Variants in NTMT1 observed in about 807,000 individuals in gnomAD.
NTMT1 encodes N-terminal RCC1 methyltransferase.
Under a neutral mutation model 17.5 loss-of-function variants are expected in NTMT1, and 8 were observed. The ratio of observed to expected loss-of-function variants is 0.46; its 90% CI spans 0.27 to 0.82. The LOEUF is 0.82. Among genes scored for constraint, NTMT1 ranks in the 40% least tolerant of loss-of-function variants. The probability of loss-of-function intolerance (pLI) is 0.15; values close to 1 mark genes in which losing one functional copy is unlikely to be tolerated. For synonymous variants in NTMT1, 128 were observed against 126.8 expected, an observed-to-expected ratio of 1.01 and a Z score of -0.06; for missense variants, 221 against 303.5, an observed-to-expected ratio of 0.73 and a Z score of 2.02.
rs1402832566 is a variant in NTMT1 at position 129,635,546 on chromosome 9, G to C, written c.*82G>C. ...CTGGGCAAGATCCAGGCGCCACGCT[G>C]GCGGTTCGTGAGTGTCGAGGCACCA... is the stretch of plus-strand genomic sequence containing the variant. On this transcript the variant is annotated 3_prime_UTR_variant, in exon 4 of 4. Transcript: ENST00000372483. 1.8e-5 allele frequency: 27 copies of C among 1,497,834 alleles called. No homozygotes were observed. The highest frequency in any genetic ancestry group is 2.3e-5 in the Non-Finnish European group (25 of 1,108,940). 92.8% of individuals were successfully genotyped at this position (1,497,834 alleles called of 1,614,324 possible). A position where few individuals can be genotyped will look rare whatever the true frequency, so the allele number is the denominator to read the frequency against.
rs116922728 is a variant in NTMT1 at position 129,628,106 on chromosome 9, G to T, written c.-55+1811G>T. ...GTGCACACAAAGCCCGTGTGCTCCT[G>T]GCCCCCTCCCAGGCCCTTCAGCCAC... On this transcript the variant is annotated intron_variant, in intron 1 of 3. Transcript: ENST00000372483. Among the ~76,000 whole-genome samples the T allele has an allele frequency of 2.7e-3, 410 of 151,784 alleles. 1 individual carries two copies. Among genetic ancestry groups the T allele is most frequent in the South Asian group, 8.7e-3 (42 of 4,824 alleles).
chr9:129,614,859 G>A lies in NTMT1; in HGVS notation c.-55+5681G>A, dbSNP rs1211733293. 1.3e-5 allele frequency among the ~76,000 whole-genome samples: 2 copies of A among 151,946 alleles called. No individual in the cohort carries two copies. Among genetic ancestry groups the A allele is most frequent in the African/African-American group, 4.8e-5 (2 of 41,336 alleles). ...GGAGCTTGCAGCGAGCCGAGATCGC[G>A]CCACTGCACTCCAGCCTGGGCGACA... is the stretch of plus-strand genomic sequence containing the variant. On this transcript the variant is annotated intron_variant, in intron 1 of 3. Transcript: ENST00000372486. The surrounding 1 kb of genome is among the most constrained non-coding windows in gnomAD (Gnocchi z 4.4).
chr9:129,635,999 A>T lies in NTMT1; in HGVS notation c.*535A>T, dbSNP rs1347369308. ...TTGGCAGTGGAGACCTGGGGCCCTT[A>T]AAGTGTTACAACAGCCTGCAGCAAG... On this transcript the variant is annotated 3_prime_UTR_variant, in exon 4 of 4. Transcript: ENST00000372483. 1 of 153,538 alleles carries T rather than the reference A, an allele frequency of 6.5e-6. No individual in the cohort carries two copies. Among genetic ancestry groups the T allele is most frequent in the African/African-American group, 2.4e-5 (1 of 41,474 alleles). 9.5% of individuals were successfully genotyped at this position (153,538 alleles called of 1,614,324 possible). A position where few individuals can be genotyped will look rare whatever the true frequency, so the allele number is the denominator to read the frequency against.
intron 1 of NTMT1, among the ~76,000 whole-genome samples, chr9:129,630,658 T>G (rs1831114534): frequency 6.6e-6 from 1 of 152,186 alleles, no homozygotes; most frequent in Admixed American, 6.5e-5. Flanking sequence ...ACCCTGTAGC[T>G]CCAGGAGTCA....
Position 129,632,802 on chromosome 9 carries a change from G to T in NTMT1, c.99G>T (p.Gly33=). The part of the protein sequence containing the change: ...IPPTVDGMLG[G]YGHISSIDIN... The stretch of plus-strand genomic sequence containing the variant: ...CCACGGTGGACGGCATGCTTGGGGG[G>T]TATGGCCACATCTCCAGCATCGACA... Residue 33 remains glycine (G), a synonymous_variant, in exon 2 of 4, where the codon GGG becomes GGT. Coordinates refer to ENST00000372483, the MANE Select transcript of NTMT1 (RefSeq NM_014064.4). 1 of 1,614,140 alleles carries T rather than the reference G, an allele frequency of 6.2e-7. No homozygotes were observed.
chr9:129,610,302 C>CT lies in NTMT1; in HGVS notation c.-55+1124_-55+1125insT, dbSNP rs543835373. 3.7e-4 allele frequency among the ~76,000 whole-genome samples: 53 copies of CT among 143,746 alleles called. 1 individual carries two copies. In the South Asian group the frequency reaches 0.011, roughly 31 times the overall value. The allele number at this position is 143,746 out of a possible 152,430, so 94.3% of individuals were successfully genotyped here. On this transcript the variant is annotated intron_variant, in intron 1 of 3. Transcript: ENST00000372486. ...GGCCAGGTCTCCCTGCAGGCCCCGC[C>CT]CCCCCCCCACCGGCGTGGTGCCCCC...
At chr9:129,618,123 A>T (rs1830484164) in intron 1 of NTMT1, among the ~76,000 whole-genome samples, 1 of 152,086 alleles carries the variant, frequency 6.6e-6, no homozygotes, top group Admixed American at 6.6e-5. Flanking sequence ...AGGAAGAATG[A>T]TATGTTTGTG....
At chr9:129,628,072 T>C (rs967253453) in intron 1 of NTMT1, among the ~76,000 whole-genome samples, 2 of 152,336 alleles carry the variant, frequency 1.3e-5, no homozygotes, top group Admixed American at 1.3e-4. Flanking sequence ...CTCTCTGAGC[T>C]AGCCTAGAGT....
Position 129,613,456 on chromosome 9 carries a change from G to A in NTMT1, c.-55+4278G>A, listed in dbSNP as rs747635774. 1.7e-5 allele frequency: 28 copies of A among 1,613,820 alleles called. No individual in the cohort carries two copies. The highest frequency in any genetic ancestry group is 5.0e-5 in the Admixed American group (3 of 59,994). The stretch of plus-strand genomic sequence containing the variant: ...TCACAGGCCAGCGCAGTCCCAACAC[G>A]AGGAGCTGGCCAGGGTCTCCTCCTT... On this transcript the variant is annotated intron_variant, in intron 1 of 3. Transcript: ENST00000372486. This position sits in a 1 kb window ranked among gnomAD's most constrained non-coding sequence, Gnocchi z 6.2.
chr9:129,609,687 G>T (rs1056334048), intron 1 of NTMT1, among the ~76,000 whole-genome samples: 2 of 152,024 alleles, frequency 1.3e-5, no homozygotes, highest in African/African-American at 4.8e-5. Flanking sequence ...GAGGGCCCCC[G>T]GGGAAGAGCT....
At chr9:129,611,934 T>G (rs1465619719) in intron 1 of NTMT1, among the ~76,000 whole-genome samples, 1 of 151,838 alleles carries the variant, frequency 6.6e-6, no homozygotes, top group African/African-American at 2.4e-5. Flanking sequence ...TTTTCTTTTT[T>G]TAAGAGACAG....
At chr9:129,609,972 G>A (rs1053968928) in intron 1 of NTMT1, among the ~76,000 whole-genome samples, 11 of 150,606 alleles carry the variant, frequency 7.3e-5, no homozygotes, top group Admixed American at 1.3e-4. Context: ...GGTGTCTGTG[G>A]GGCGTTGTTT....
intron 2 of NTMT1, chr9:129,633,297 G>GC (rs942102793): frequency 9.4e-6 from 3 of 320,014 alleles, no homozygotes; most frequent in Admixed American, 4.9e-5. Context: ...CAGTCCTGGA[G>GC]CCCCCCACCT....
At chr9:129,629,688 C>T (rs1831061471) in intron 1 of NTMT1, among the ~76,000 whole-genome samples, 4 of 152,184 alleles carry the variant, frequency 2.6e-5, no homozygotes, top group Admixed American at 2.6e-4. Flanking sequence ...TCCTCCCCAG[C>T]CTGTTACCCC....
intron 1 of NTMT1, among the ~76,000 whole-genome samples, chr9:129,611,903 G>A (rs1830122009): frequency 1.3e-5 from 2 of 151,990 alleles, no homozygotes; most frequent in Admixed American, 1.3e-4. Flanking sequence ...GAGGCGTGGA[G>A]CACCACGCCC....
chr9:129,611,065 C>A (rs556721860), intron 1 of NTMT1, among the ~76,000 whole-genome samples: 90 of 152,306 alleles, frequency 5.9e-4, no homozygotes, highest in African/African-American at 2.1e-3. Flanking sequence ...AGCTCTATTG[C>A]CCTTCTTCTG....
intron 1 of NTMT1, among the ~76,000 whole-genome samples, chr9:129,621,028 G>A (rs1352326107): frequency 1.3e-5 from 2 of 152,206 alleles, no homozygotes; most frequent in Admixed American, 1.3e-4. Context: ...GCTCTGGTCT[G>A]CAGAATGGGG....
In NTMT1 at chr9:129,613,533, C is replaced by T; in HGVS notation, c.-55+4355C>T. 6.2e-7 allele frequency: 1 copy of T among 1,614,200 alleles called. No homozygotes were observed. Among genetic ancestry groups the T allele is most frequent in the Non-Finnish European group, 8.5e-7 (1 of 1,180,032 alleles). Reference sequence around the variant, plus strand: ...AACTCTCCAGCCGTTTTCCGACACTCCCAAACACCCGCTCGGACGCCACTG... The same window carrying T: ...AACTCTCCAGCCGTTTTCCGACACTTCCAAACACCCGCTCGGACGCCACTG... On this transcript the variant is annotated intron_variant, in intron 1 of 3. Transcript: ENST00000372486. The surrounding 1 kb of genome is among the most constrained non-coding windows in gnomAD (Gnocchi z 6.2).
At chr9:129,610,899 G>C (rs1410101288) in intron 1 of NTMT1, among the ~76,000 whole-genome samples, 1 of 152,156 alleles carries the variant, frequency 6.6e-6, no homozygotes, top group East Asian at 1.9e-4. Context: ...GAAGGGAGGG[G>C]ACGTCCCAGG....
Sources: gnomAD v4.1 joint callset for allele counts (sites outside exome capture counted in the v4.1 genomes callset) on GRCh38, gnomAD v4.1.1 for gene constraint, Gnocchi (gnomAD v3.1) non-coding constraint, MANE v1.5 for transcripts, NCBI Gene and HGNC (gene_info 2026-07-23, HGNC 2026-07-21) for gene names.